CADPS2: variants seen among roughly 807,000 people sequenced by gnomAD.
CADPS2 encodes calcium dependent secretion activator 2.
In CADPS2, 93 loss-of-function variants were observed where a neutral mutation model predicts 172.5. The observed-to-expected ratio is 0.54, with a 90% confidence interval of 0.46 to 0.64. The LOEUF (loss-of-function observed/expected upper bound fraction) is 0.64. Among genes scored for constraint, CADPS2 ranks in the 30% least tolerant of loss-of-function variants. The pLI is 0.00. For missense variants in CADPS2, 1,420 were observed against 1,565.9 expected (o/e 0.91, Z 1.57); for synonymous variants, 546 against 555.2 (o/e 0.98, Z 0.23).
At chr7:122,395,420 T>C (rs2044950738) in intron 20 of CADPS2, 1 of 152,196 alleles carries the variant, frequency 6.6e-6, no homozygotes, top group Non-Finnish European at 1.5e-5. Flanking sequence ...TATTTAATGA[T>C]AGGTGTCTTA....
chr7:122,484,010 T>C (rs1245320315), intron 11 of CADPS2, among the ~76,000 whole-genome samples: 1 of 152,064 alleles, frequency 6.6e-6, no homozygotes, highest in Non-Finnish European at 1.5e-5. Flanking sequence ...AGACTCAATA[T>C]TAAGAAGTCA....
intron 3 of CADPS2, among the ~76,000 whole-genome samples, chr7:122,646,025 A>G (rs982145320): frequency 1.3e-5 from 2 of 151,916 alleles, no homozygotes; most frequent in Admixed American, 1.3e-4. Flanking sequence ...AGATTAAAGG[A>G]GTTTATCATT....
chr7:122,803,033 G>T (rs886140996), intron 1 of CADPS2, among the ~76,000 whole-genome samples: 3 of 152,032 alleles, frequency 2.0e-5, no homozygotes, highest in African/African-American at 7.2e-5. Context: ...TATATTTAAA[G>T]GAAGAAAAAC....
intron 1 of CADPS2, among the ~76,000 whole-genome samples, chr7:122,842,275 G>A (rs867123924): frequency 6.6e-6 from 1 of 152,186 alleles, no homozygotes; most frequent in African/African-American, 2.4e-5. Context: ...AAAGCCTCTA[G>A]AGCAGAAAGC....
intron 8 of CADPS2, among the ~76,000 whole-genome samples, chr7:122,523,031 G>A (rs1039592000): frequency 1.3e-5 from 2 of 152,122 alleles, no homozygotes; most frequent in African/African-American, 4.8e-5. Context: ...CGATAAACAT[G>A]GAGGTACAGG....
intron 1 of CADPS2, among the ~76,000 whole-genome samples, chr7:122,746,642 GACACAC>G (rs758081487): frequency 7.0e-6 from 1 of 142,436 alleles, no homozygotes; most frequent in African/African-American, 2.7e-5. Context: ...CACACACACA[GACACAC>G]ACACACACAC....
Position 122,762,844 on chromosome 7 carries a change from C to T in CADPS2, c.340-25776G>A, listed in dbSNP as rs188165669. Among the ~76,000 whole-genome samples the T allele has an allele frequency of 2.6e-5, 4 of 152,178 alleles. 1 individual carries two copies. The East Asian group carries it at 7.7e-4, about 29-fold the overall frequency. On this transcript the variant is annotated intron_variant, in intron 1 of 29. Transcript: ENST00000449022. ...ATCCTGATACACTTCATCACCCTAC[C>T]TTCCTTTCAATGATGAAGCTACAGA...
At chr7:122,613,781 G>A (rs1306097893) in intron 6 of CADPS2, among the ~76,000 whole-genome samples, 1 of 151,600 alleles carries the variant, frequency 6.6e-6, no homozygotes, top group Non-Finnish European at 1.5e-5. Context: ...TATATACTGT[G>A]ACTAGGTCAC....
intron 4 of CADPS2, 64 bp from the exon 5 acceptor site, chr7:122,621,781 T>TATA: frequency 2.3e-6 from 2 of 881,050 alleles, no homozygotes; most frequent in East Asian, 5.3e-5. Flanking sequence ...TCATACAAAA[T>TATA]TGTATGATAT....
chr7:122,726,260 A>G lies in CADPS2; in HGVS notation c.453+10695T>C, dbSNP rs138311082. Among the ~76,000 whole-genome samples, 22 of 152,188 alleles carry G rather than the reference A, an allele frequency of 1.4e-4. No individual in the cohort carries two copies. In the East Asian group the frequency reaches 3.7e-3, roughly 25 times the overall value. ...GTGTCAAATGAAAATTATCCTCCCAATAAGTACTTTGATAATCAATACAAA... is the reference window on the plus strand; with the variant it reads ...GTGTCAAATGAAAATTATCCTCCCAGTAAGTACTTTGATAATCAATACAAA... On this transcript the variant is annotated intron_variant, in intron 2 of 29. Transcript: ENST00000449022.
intron 1 of CADPS2, among the ~76,000 whole-genome samples, chr7:122,790,440 A>G (rs999991721): frequency 6.6e-6 from 1 of 151,712 alleles, no homozygotes; most frequent in Non-Finnish European, 1.5e-5. Flanking sequence ...TTTCTGAGTG[A>G]ATTTACTTCA....
chr7:122,700,515 G>A (rs2085870643), intron 2 of CADPS2, among the ~76,000 whole-genome samples: 1 of 151,990 alleles, frequency 6.6e-6, no homozygotes, highest in South Asian at 2.1e-4. Flanking sequence ...GTGACACTGA[G>A]GTATCAAAAG....
At chr7:122,577,881 C>T (rs907164984) in intron 7 of CADPS2, among the ~76,000 whole-genome samples, 1 of 151,852 alleles carries the variant, frequency 6.6e-6, no homozygotes, top group African/African-American at 2.4e-5. Context: ...TGGTATAAAC[C>T]TATTTTAAGT....
intron 28 of CADPS2, among the ~76,000 whole-genome samples, chr7:122,343,213 T>C (rs1563106944): frequency 3.3e-5 from 5 of 152,122 alleles, no homozygotes; most frequent in African/African-American, 9.6e-5. Flanking sequence ...AATTTAAAAA[T>C]ATTAGAATGT....
intron 17 of CADPS2, chr7:122,427,082 C>T (rs988339610): frequency 7.3e-5 from 11 of 151,606 alleles, no homozygotes; most frequent in African/African-American, 2.7e-4. Context: ...GAAATAATTC[C>T]GAATAAGGAA....
At chr7:122,418,839 C>T (rs989769480) in intron 17 of CADPS2, among the ~76,000 whole-genome samples, 2 of 152,094 alleles carry the variant, frequency 1.3e-5, no homozygotes, top group African/African-American at 4.8e-5. Context: ...AACTACATTG[C>T]CACATAAGTG....
In CADPS2 at chr7:122,649,967, T is replaced by C. The variant is rs186725880; in HGVS notation, c.786+13270A>G. Among the ~76,000 whole-genome samples, 16 of 133,618 alleles carry C rather than the reference T, an allele frequency of 1.2e-4. No individual in the cohort carries two copies. In the East Asian group the frequency reaches 4.2e-3, roughly 35 times the overall value. 87.7% of individuals were successfully genotyped at this position (133,618 alleles called of 152,430 possible). A position where few individuals can be genotyped will look rare whatever the true frequency, so the allele number is the denominator to read the frequency against. On this transcript the variant is annotated intron_variant, in intron 3 of 29. Transcript: ENST00000449022. ...TTGTCCAGCGCAGGCTGGAGTGCAGTGGTGTGATCTCGGCTCACTGCAACC... is the reference window on the plus strand; with the variant it reads ...TTGTCCAGCGCAGGCTGGAGTGCAGCGGTGTGATCTCGGCTCACTGCAACC...
intron 6 of CADPS2, among the ~76,000 whole-genome samples, chr7:122,611,490 A>C (rs2133788344): frequency 6.6e-6 from 1 of 152,180 alleles, no homozygotes; most frequent in African/African-American, 2.4e-5. Flanking sequence ...AATGGCAAAA[A>C]ACACAATTAC....
chr7:122,853,114 T>C (rs546945965), intron 1 of CADPS2, among the ~76,000 whole-genome samples: 1 of 152,330 alleles, frequency 6.6e-6, no homozygotes, highest in East Asian at 1.9e-4. Context: ...TGGTCTCCCA[T>C]CTATTCTCCT....
Sources: allele counts gnomAD v4.1 joint callset (sites outside exome capture counted in the v4.1 genomes callset), GRCh38; gene constraint gnomAD v4.1.1; transcripts MANE v1.5; gene names NCBI Gene and HGNC (gene_info 2026-07-23, HGNC 2026-07-21).